SETD2: variants seen among roughly 807,000 people sequenced by gnomAD.
SETD2 encodes the protein SET domain containing 2, histone lysine methyltransferase, also known as histone-lysine N-methyltransferase SETD2.
SETD2 carries 31 observed loss-of-function variants against 242.1 expected under a neutral mutation model. The observed-to-expected ratio is 0.13, with a 90% CI of 0.10 to 0.17. The LOEUF (loss-of-function observed/expected upper bound fraction) is 0.17, where lower values mean the gene tolerates loss of function less well. Ranked by LOEUF, SETD2 falls within the 10% of genes least tolerant of loss-of-function variation. The pLI, the probability that SETD2 is intolerant of heterozygous loss-of-function variation, is 1.00. For synonymous variants in SETD2, 1,006 were observed against 1,066.5 expected (o/e 0.94, Z 1.11); for missense variants, 2,481 against 3,046.3 (o/e 0.81, Z 4.37).
intron 1 of SETD2, among the ~76,000 whole-genome samples, chr3:47,146,454 C>T (rs1001038878): frequency 1.3e-5 from 2 of 151,964 alleles, no homozygotes; most frequent in Non-Finnish European, 2.9e-5. Context: ...ATAGCGAAAC[C>T]CCGTCTCTAC....
intron 1 of SETD2, among the ~76,000 whole-genome samples, chr3:47,140,620 G>A (rs908488795): frequency 5.9e-5 from 9 of 152,188 alleles, no homozygotes; most frequent in Admixed American, 2.0e-4. Flanking sequence ...CAGCACTTTG[G>A]GAGGCCAAGG....
intron 9 of SETD2, among the ~76,000 whole-genome samples, chr3:47,089,862 T>C (rs2041722019): frequency 1.3e-5 from 2 of 151,890 alleles, no homozygotes; most frequent in African/African-American, 4.8e-5. Context: ...GGGAAAAGTG[T>C]GAACAAAGGA....
At chr3:47,159,805 T>C (rs543910475) in intron 1 of SETD2, among the ~76,000 whole-genome samples, 1 of 152,006 alleles carries the variant, frequency 6.6e-6, no homozygotes, top group South Asian at 2.1e-4. Flanking sequence ...TGAAACCCCA[T>C]CTCTACCAAA....
At chr3:47,099,551 T>A (rs188707883) in intron 8 of SETD2, among the ~76,000 whole-genome samples, 7 of 152,350 alleles carry the variant, frequency 4.6e-5, no homozygotes, top group African/African-American at 1.7e-4. Flanking sequence ...GACCACTGTT[T>A]AGGACCCATA....
chr3:47,118,750 CT>C (rs2042959507), intron 3 of SETD2, among the ~76,000 whole-genome samples: 1 of 151,650 alleles, frequency 6.6e-6, no homozygotes. Context: ...CTAACCAAAT[CT>C]ATGTGCACAG....
At chr3:47,038,087 TGGGC>T (rs2039102961) in intron 17 of SETD2, among the ~76,000 whole-genome samples, 1 of 152,198 alleles carries the variant, frequency 6.6e-6, no homozygotes, top group African/African-American at 2.4e-5. Context: ...CAAATAAGAC[TGGGC>T]AAAGCCTAAA....
intron 16 of SETD2, among the ~76,000 whole-genome samples, chr3:47,046,284 C>A (rs1317853145): frequency 6.6e-6 from 1 of 151,010 alleles, no homozygotes; most frequent in African/African-American, 2.4e-5. Flanking sequence ...TTGCAGTGAG[C>A]CAAGATTGTG....
chr3:47,104,972 T>C lies in SETD2; in HGVS notation c.4839+1025A>G, dbSNP rs559016480. 1.4e-4 allele frequency among the ~76,000 whole-genome samples: 22 copies of C among 152,254 alleles called. No homozygotes were observed. In the East Asian group the frequency reaches 4.2e-3, roughly 29 times the overall value. ...TTTGTAGAGATGAGGTCTCACTATG[T>C]TGCCCAGGCTGGCCTCCTTTGGCTT... On this transcript the variant is annotated intron_variant, in intron 6 of 20. Coordinates refer to ENST00000409792, the MANE Select transcript of SETD2 (RefSeq NM_014159.7).
At chr3:47,137,609 T>C (rs947395329) in intron 1 of SETD2, among the ~76,000 whole-genome samples, 1 of 152,254 alleles carries the variant, frequency 6.6e-6, no homozygotes, top group Non-Finnish European at 1.5e-5. Context: ...TTTGGTTTTA[T>C]CTTGTTTACA....
chr3:47,113,769 G>A, intron 5 of SETD2, 107 bp downstream of exon 5: 1 of 1,044,280 alleles, frequency 9.6e-7, no homozygotes, highest in Non-Finnish European at 1.4e-6. Flanking sequence ...AATCCGGGAG[G>A]TAGAGGTTCC....
chr3:47,118,764 T>TTA (rs929193946), intron 3 of SETD2, among the ~76,000 whole-genome samples: 37 of 151,742 alleles, frequency 2.4e-4, no homozygotes, highest in East Asian at 7.7e-4. Flanking sequence ...GTGCACAGTT[T>TTA]TATATATATA....
chr3:47,107,468 T>C (rs984942773), intron 5 of SETD2, among the ~76,000 whole-genome samples: 4 of 152,106 alleles, frequency 2.6e-5, no homozygotes, highest in African/African-American at 7.2e-5. Flanking sequence ...GATGTATATA[T>C]ATATTTATAT....
At chr3:47,030,914 A>G (rs2038736800) in intron 18 of SETD2, among the ~76,000 whole-genome samples, 1 of 152,224 alleles carries the variant, frequency 6.6e-6, no homozygotes, top group Admixed American at 6.5e-5. Context: ...TCAGTGCTAA[A>G]ACGAAATGAG....
intron 4 of SETD2, among the ~76,000 whole-genome samples, chr3:47,115,852 G>A (rs1411790172): frequency 6.6e-6 from 1 of 152,034 alleles, no homozygotes; most frequent in African/African-American, 2.4e-5. Context: ...CACCATGTTG[G>A]CCAGGCTGAT....
intron 9 of SETD2, among the ~76,000 whole-genome samples, chr3:47,093,592 T>G (rs759095243): frequency 6.6e-6 from 1 of 152,232 alleles, no homozygotes; most frequent in East Asian, 1.9e-4. Context: ...CCCATTCTTA[T>G]GTTAATAAAT....
chr3:47,131,407 G>A (rs899286485), intron 1 of SETD2, among the ~76,000 whole-genome samples: 1 of 151,948 alleles, frequency 6.6e-6, no homozygotes, highest in African/African-American at 2.4e-5. Flanking sequence ...GCAGTGGCGC[G>A]ATCTCAGCTC....
intron 1 of SETD2, among the ~76,000 whole-genome samples, chr3:47,155,090 C>T (rs12629262): frequency 0.49 from 73,936 of 151,326 alleles, 19,470 homozygotes; most frequent in Non-Finnish European, 0.58. Context: ...ACTTCCAAAA[C>T]AAATTTAAAG....
At chr3:47,101,009 C>CAAAAA (rs1164475680) in intron 8 of SETD2, among the ~76,000 whole-genome samples, 1 of 23,114 alleles carries the variant, frequency 4.3e-5, no homozygotes, top group African/African-American at 1.5e-4. Flanking sequence ...GAGTCCATCT[C>CAAAAA]AAAAAAAAAA....
intron 1 of SETD2, among the ~76,000 whole-genome samples, chr3:47,131,276 G>C (rs1003945808): frequency 2.0e-5 from 3 of 152,230 alleles, no homozygotes; most frequent in African/African-American, 7.2e-5. Flanking sequence ...AATTCTGAAA[G>C]TCAGAACTGT....
Sources: gnomAD v4.1 joint callset for allele counts (sites outside exome capture counted in the v4.1 genomes callset) on GRCh38, gnomAD v4.1.1 for gene constraint, MANE v1.5 for transcripts, NCBI Gene and HGNC (gene_info 2026-07-23, HGNC 2026-07-21) for gene names.